ACOT7: variants seen among roughly 807,000 people sequenced by gnomAD.
The protein encoded by ACOT7 is cytosolic acyl coenzyme A thioester hydrolase.
A neutral mutation model predicts 40.2 loss-of-function variants in ACOT7; 12 were observed. The observed-to-expected ratio is 0.30, with a 90% CI of 0.19 to 0.48. The LOEUF is 0.48. ACOT7 is among the 20% of genes least tolerant of loss of function. The probability of loss-of-function intolerance (pLI) is 0.99; values close to 1 mark genes in which losing one functional copy is unlikely to be tolerated. For missense variants in ACOT7, 395 were observed against 530.8 expected (o/e 0.74, Z 2.51); for synonymous variants, 228 against 219.5 (o/e 1.04, Z -0.34).
At chr1:6,280,004 C>G (rs75676875) in intron 8 of ACOT7, among the ~76,000 whole-genome samples, 2 of 152,328 alleles carry the variant, frequency 1.3e-5, no homozygotes, top group South Asian at 4.1e-4. Context: ...CGCTCCTCTC[C>G]GGGAGGCTGA....
intron 1 of ACOT7, among the ~76,000 whole-genome samples, chr1:6,369,613 G>T (rs754790430): frequency 1.4e-5 from 2 of 142,550 alleles, no homozygotes; most frequent in Non-Finnish European, 3.1e-5. Context: ...GAGTCTCGCT[G>T]TATCGCCCAG....
intron 6 of ACOT7, among the ~76,000 whole-genome samples, chr1:6,316,417 T>C (rs963577139): frequency 2.6e-5 from 4 of 152,162 alleles, no homozygotes; most frequent in Non-Finnish European, 5.9e-5. Context: ...GGCAAGACCA[T>C]AGTTAATCAG....
intron 6 of ACOT7, among the ~76,000 whole-genome samples, chr1:6,316,303 A>G (rs892405870): frequency 1.3e-5 from 2 of 152,178 alleles, no homozygotes; most frequent in Admixed American, 1.3e-4. Context: ...AAGGGGAAAC[A>G]GGGAATGCCT....
Position 6,360,577 on chromosome 1 carries a change from C to T in ACOT7, c.144-10711G>A, listed in dbSNP as rs1007999300. ...TCTCAGCTCCCAACTCACTGTTTGGCCTTCTCCCCAAAACAGGCCCTGTCG... is the reference window on the plus strand; with the variant it reads ...TCTCAGCTCCCAACTCACTGTTTGGTCTTCTCCCCAAAACAGGCCCTGTCG... On this transcript the variant is annotated intron_variant, in intron 1 of 8. Coordinates refer to ENST00000361521, the MANE Select transcript of ACOT7 (RefSeq NM_007274.4). The T allele has an allele frequency of 5.6e-6, 9 of 1,614,080 alleles. No homozygotes were observed. The African/African-American group carries it at 8.0e-5, about 14-fold the overall frequency.
At chr1:6,364,947 C>T (rs897119802) in intron 1 of ACOT7, among the ~76,000 whole-genome samples, 5 of 151,498 alleles carry the variant, frequency 3.3e-5, no homozygotes, top group South Asian at 2.1e-4. Flanking sequence ...CGCTTAAACC[C>T]GGGAGGCAGA....
intron 8 of ACOT7, among the ~76,000 whole-genome samples, chr1:6,269,582 G>A (rs527830913): frequency 1.3e-5 from 2 of 152,380 alleles, no homozygotes; most frequent in East Asian, 3.9e-4. Context: ...GTCATTCTCA[G>A]GGTCGGCTCC....
intron 8 of ACOT7, among the ~76,000 whole-genome samples, chr1:6,272,244 T>C (rs564935631): frequency 4.0e-4 from 61 of 151,756 alleles, no homozygotes; most frequent in African/African-American, 1.4e-3. Context: ...GCTGGATGGA[T>C]GAATGAATGA....
In ACOT7 at chr1:6,306,468, G is replaced by A. The variant is rs1360715453; in HGVS notation, c.713-11488C>T. The A allele has an allele frequency of 1.0e-6, 1 of 985,162 alleles. No individual in the cohort carries two copies. The highest frequency in any genetic ancestry group is 1.1e-4 in the East Asian group (1 of 8,822). The allele number at this position is 985,162 out of a possible 1,614,324, so 61.0% of individuals were successfully genotyped here. A position where few individuals can be genotyped will look rare whatever the true frequency, so the allele number is the denominator to read the frequency against. Reference sequence around the variant, plus strand: ...GCTTTCAGGGTTGACACCATCTCGGGGTTCAAGGTTCAAGTTCACCAGTCC... The same window carrying A: ...GCTTTCAGGGTTGACACCATCTCGGAGTTCAAGGTTCAAGTTCACCAGTCC... On this transcript the variant is annotated intron_variant, in intron 6 of 8. Transcript: ENST00000361521. The surrounding 1 kb of genome is among the most constrained non-coding windows in gnomAD (Gnocchi z 4.3).
chr1:6,288,025 A>G lies in ACOT7; in HGVS notation c.830-6739T>C, dbSNP rs1035118096. Among the ~76,000 whole-genome samples the G allele has an allele frequency of 6.6e-6, 1 of 152,090 alleles. No homozygotes were observed. The highest frequency in any genetic ancestry group is 1.5e-5 in the Non-Finnish European group (1 of 67,996). ...AAACTATTACACTGAAGGCAACGAT[A>G]TAACTTTTTCACACCAGCTACCTCT... On this transcript the variant is annotated intron_variant, in intron 7 of 8. Transcript: ENST00000361521. This position sits in a 1 kb window ranked among gnomAD's most constrained non-coding sequence, Gnocchi z 4.3.
In ACOT7 at chr1:6,289,815, C is replaced by T. The variant is rs1999835; in HGVS notation, c.829+5049G>A. On this transcript the variant is annotated intron_variant, in intron 7 of 8. Coordinates refer to ENST00000361521, the MANE Select transcript of ACOT7 (RefSeq NM_007274.4). The surrounding 1 kb of genome is among the most constrained non-coding windows in gnomAD (Gnocchi z 4.6). ...AAGTAGCCAAAACTACAGGCTTGAG[C>T]CATCGTGCCCAGGCCCAGCTATTTT... 0.079 allele frequency among the ~76,000 whole-genome samples: 12,084 copies of T among 152,246 alleles called. 538 individuals are homozygous for T. Among genetic ancestry groups the T allele is most frequent in the Non-Finnish European group, 0.11 (7,311 of 68,022 alleles).
chr1:6,298,103 G>C (rs1317510666), intron 6 of ACOT7, among the ~76,000 whole-genome samples: 1 of 152,142 alleles, frequency 6.6e-6, no homozygotes, highest in Non-Finnish European at 1.5e-5. Context: ...CATCTGTTCG[G>C]CTCAACCTGT....
In ACOT7 at chr1:6,306,079, C is replaced by T. The variant is rs1315554926; in HGVS notation, c.713-11099G>A. 1 of 282,390 alleles carries T rather than the reference C, an allele frequency of 3.5e-6. No homozygotes were observed. Among genetic ancestry groups the T allele is most frequent in the Non-Finnish European group, 5.3e-6 (1 of 188,218 alleles). The allele number at this position is 282,390 out of a possible 1,614,324, so 17.5% of individuals were successfully genotyped here. A position where few individuals can be genotyped will look rare whatever the true frequency, so the allele number is the denominator to read the frequency against. Reference sequence around the variant, plus strand: ...CGGCGCGCGCCTGCAATCGCAGGCACTCGGCAGGCTGAGGCAGGAGAATCA... The same window carrying T: ...CGGCGCGCGCCTGCAATCGCAGGCATTCGGCAGGCTGAGGCAGGAGAATCA... On this transcript the variant is annotated intron_variant, in intron 6 of 8. Coordinates refer to ENST00000361521, the MANE Select transcript of ACOT7 (RefSeq NM_007274.4). The surrounding 1 kb of genome is among the most constrained non-coding windows in gnomAD (Gnocchi z 4.3).
intron 6 of ACOT7, among the ~76,000 whole-genome samples, chr1:6,308,596 G>A (rs1039050579): frequency 1.7e-4 from 25 of 150,922 alleles, no homozygotes; most frequent in African/African-American, 6.1e-4. Flanking sequence ...ACTGGGCAGA[G>A]GGAACTACAA....
intron 2 of ACOT7, among the ~76,000 whole-genome samples, chr1:6,349,239 G>A (rs1242298787): frequency 6.6e-6 from 1 of 152,212 alleles, no homozygotes; most frequent in Non-Finnish European, 1.5e-5. Flanking sequence ...GTGGAGAGCT[G>A]CTCCCATTGT....
rs552966982 is a variant in ACOT7, at chr1:6,359,034, C to T, written c.144-9168G>A. ...AAGAGGCTGCCTCGCCAATCCAGAG[C>T]GTCTACCAGAAACCGGTCGTCATGG... On this transcript the variant is annotated intron_variant, in intron 1 of 8. Transcript: ENST00000361521. The surrounding 1 kb of genome is among the most constrained non-coding windows in gnomAD (Gnocchi z 4.1). 4.1e-5 allele frequency: 36 copies of T among 877,498 alleles called. 1 individual carries two copies. The highest frequency in any genetic ancestry group is 6.9e-4 in the Middle Eastern group (2 of 2,910). 54.4% of individuals were successfully genotyped at this position (877,498 alleles called of 1,614,324 possible).
At chr1:6,337,841 G>A (rs1479795509) in intron 3 of ACOT7, among the ~76,000 whole-genome samples, 1 of 152,030 alleles carries the variant, frequency 6.6e-6, no homozygotes, top group Non-Finnish European at 1.5e-5. Context: ...CAGGTATGGT[G>A]GCTCATGCCT....
At chr1:6,349,985 C>A (rs1011340307) in intron 1 of ACOT7, 119 bp from the exon 2 acceptor site, 11 of 992,902 alleles carry the variant, frequency 1.1e-5, no homozygotes, top group Non-Finnish European at 1.7e-5. Context: ...GGAAAGAGAA[C>A]CTTCCCAATG....
Position 6,339,616 on chromosome 1 carries a change from C to T in ACOT7, c.262-27G>A, listed in dbSNP as rs754132571. ...TGTGGAGACAGAGGCAGTTGTCAGCCCAGGTCAGCCAGCCCAGCCCCGAGA... is the reference window on the plus strand; with the variant it reads ...TGTGGAGACAGAGGCAGTTGTCAGCTCAGGTCAGCCAGCCCAGCCCCGAGA... On this transcript the variant is annotated intron_variant, in intron 2 of 8. Coordinates refer to ENST00000361521, the MANE Select transcript of ACOT7 (RefSeq NM_007274.4). 1.9e-4 allele frequency: 310 copies of T among 1,604,308 alleles called. 2 individuals carry two copies. The highest frequency in any genetic ancestry group is 1.6e-3 in the East Asian group (72 of 44,606).
Position 6,301,317 on chromosome 1 carries a change from A to C in ACOT7, c.713-6337T>G, listed in dbSNP as rs1277553550. Reference sequence around the variant, plus strand: ...CTTCAAACCGGGGTTTGCCCCATTTATCCAAAAGGCTACCTTGTTGGTATG... The same window carrying C: ...CTTCAAACCGGGGTTTGCCCCATTTCTCCAAAAGGCTACCTTGTTGGTATG... On this transcript the variant is annotated intron_variant, in intron 6 of 8. Transcript: ENST00000361521. The surrounding 1 kb of genome is among the most constrained non-coding windows in gnomAD (Gnocchi z 4.1). Among the ~76,000 whole-genome samples the C allele has an allele frequency of 2.0e-5, 3 of 152,248 alleles. No individual in the cohort carries two copies. The highest frequency in any genetic ancestry group is 7.2e-5 in the African/African-American group (3 of 41,462).
Sources: allele counts gnomAD v4.1 joint callset (sites outside exome capture counted in the v4.1 genomes callset), GRCh38; gene constraint gnomAD v4.1.1; non-coding constraint Gnocchi (gnomAD v3.1); transcripts MANE v1.5; gene names NCBI Gene and HGNC (gene_info 2026-07-23, HGNC 2026-07-21).